Variants in RBM47 observed in about 807,000 individuals in gnomAD.
RBM47 encodes RNA-binding protein 47.
A neutral mutation model predicts 47.1 loss-of-function variants in RBM47; 21 were observed. The observed-to-expected ratio is 0.45, with a 90% confidence interval of 0.32 to 0.64. The LOEUF (loss-of-function observed/expected upper bound fraction) is 0.64. Ranked by LOEUF, RBM47 falls within the 30% of genes least tolerant of loss-of-function variation. The pLI, the probability that RBM47 is intolerant of heterozygous loss-of-function variation, is 0.05. For missense variants in RBM47, 708 were observed against 870.9 expected, an observed-to-expected ratio of 0.81 and a Z score of 2.35; for synonymous variants, 375 against 361.7, an observed-to-expected ratio of 1.04 and a Z score of -0.42.
intron 1 of RBM47, among the ~76,000 whole-genome samples, chr4:40,570,127 C>T (rs1226443145): frequency 6.6e-6 from 1 of 151,988 alleles, no homozygotes; most frequent in African/African-American, 2.4e-5. Flanking sequence ...CACCAGGGAC[C>T]GGTTTCATGG....
intron 1 of RBM47, among the ~76,000 whole-genome samples, chr4:40,562,382 T>C (rs1189753541): frequency 2.0e-5 from 3 of 151,662 alleles, no homozygotes; most frequent in Non-Finnish European, 1.5e-5. Flanking sequence ...CATTCTACTG[T>C]GAAATACACT....
intron 2 of RBM47, among the ~76,000 whole-genome samples, chr4:40,533,723 C>T (rs1219902423): frequency 1.3e-5 from 2 of 152,104 alleles, no homozygotes; most frequent in East Asian, 3.8e-4. Flanking sequence ...ATAGCCTCGA[C>T]TTCCCGGGCT....
At chr4:40,470,335 C>G (rs1718666697) in intron 2 of RBM47, among the ~76,000 whole-genome samples, 1 of 152,040 alleles carries the variant, frequency 6.6e-6, no homozygotes. Flanking sequence ...GAAAGCTATA[C>G]TGACAGAACA....
chr4:40,504,290 CTTTTT>C (rs35482960), intron 2 of RBM47, among the ~76,000 whole-genome samples: 3 of 128,260 alleles, frequency 2.3e-5, no homozygotes, highest in Non-Finnish European at 3.3e-5. Context: ...TTGTTTCCTT[CTTTTT>C]TTTTTTTTTT....
At chr4:40,450,963 A>G (rs1272243923) in intron 3 of RBM47, among the ~76,000 whole-genome samples, 1 of 152,168 alleles carries the variant, frequency 6.6e-6, no homozygotes, top group East Asian at 1.9e-4. Flanking sequence ...ACTGGCACAC[A>G]TGGTAGGTAC....
chr4:40,484,590 T>C (rs567322789), intron 2 of RBM47, among the ~76,000 whole-genome samples: 15 of 152,350 alleles, frequency 9.8e-5, no homozygotes, highest in African/African-American at 3.1e-4. Context: ...TTGCAGGCTT[T>C]TGATCATGAG....
chr4:40,615,265 C>A (rs532562065), intron 1 of RBM47, among the ~76,000 whole-genome samples: 1 of 151,932 alleles, frequency 6.6e-6, no homozygotes, highest in Non-Finnish European at 1.5e-5. Flanking sequence ...ATGGTGAAAC[C>A]CTGTCTCTAC....
chr4:40,532,592 T>C (rs1294893525), intron 2 of RBM47, among the ~76,000 whole-genome samples: 1 of 151,910 alleles, frequency 6.6e-6, no homozygotes, highest in African/African-American at 2.4e-5. Flanking sequence ...ATTACAGGCG[T>C]GAGCCACCAT....
chr4:40,526,645 C>T (rs1726740710), intron 2 of RBM47, among the ~76,000 whole-genome samples: 1 of 152,084 alleles, frequency 6.6e-6, no homozygotes, highest in South Asian at 2.1e-4. Flanking sequence ...GCCATAACAG[C>T]TCACTGCAGC....
At chr4:40,462,484 C>T (rs115454669) in intron 3 of RBM47, among the ~76,000 whole-genome samples, 1,757 of 152,206 alleles carry the variant, frequency 0.012, 13 homozygotes, top group Middle Eastern at 0.031. Flanking sequence ...GCCTAAGCCA[C>T]TATCTACCCC....
chr4:40,490,957 C>A (rs1721788929), intron 2 of RBM47, among the ~76,000 whole-genome samples: 1 of 151,974 alleles, frequency 6.6e-6, no homozygotes, highest in South Asian at 2.1e-4. Context: ...CCCAGAATAG[C>A]CAAAACAAAC....
Position 40,510,683 on chromosome 4 carries a change from A to T in RBM47, c.-155+33739T>A, listed in dbSNP as rs565170560. On this transcript the variant is annotated intron_variant, in intron 2 of 6. Transcript: ENST00000295971. ...GAGTCCATGTGTGAATGCTTGCTTG[A>T]ATGGTCATCAGCCAAGTAGAAAGGA... 6.6e-5 allele frequency among the ~76,000 whole-genome samples: 10 copies of T among 152,290 alleles called. No individual in the cohort carries two copies. The East Asian group carries it at 1.7e-3, about 26-fold the overall frequency.
At chr4:40,447,602 G>A (rs969169193) in intron 3 of RBM47, among the ~76,000 whole-genome samples, 2 of 152,312 alleles carry the variant, frequency 1.3e-5, no homozygotes, top group South Asian at 2.1e-4. Flanking sequence ...CTACCGGTCC[G>A]CTGCACTGGC....
At chr4:40,568,569 C>CA (rs57434586) in intron 1 of RBM47, among the ~76,000 whole-genome samples, 8,859 of 148,108 alleles carry the variant, frequency 0.06, 556 homozygotes, top group African/African-American at 0.14. Flanking sequence ...AGCAAACGAA[C>CA]AAAAAAATAG....
intron 3 of RBM47, among the ~76,000 whole-genome samples, chr4:40,458,749 T>C (rs1294396355): frequency 6.6e-6 from 1 of 151,340 alleles, no homozygotes; most frequent in African/African-American, 2.5e-5. Context: ...GCTCTGGTGA[T>C]AATTGTTTTT....
intron 1 of RBM47, among the ~76,000 whole-genome samples, chr4:40,577,637 C>T (rs1732469878): frequency 9.6e-6 from 1 of 103,642 alleles, no homozygotes; most frequent in Admixed American, 1.1e-4. Flanking sequence ...CTTATGGTAT[C>T]TCATACTTAA....
chr4:40,511,159 C>G (rs564880246), intron 2 of RBM47, among the ~76,000 whole-genome samples: 2 of 152,284 alleles, frequency 1.3e-5, no homozygotes, highest in Non-Finnish European at 2.9e-5. Context: ...GTTCTGACTC[C>G]GAGCTCCTAC....
At chr4:40,601,524 C>G (rs1422464580) in intron 1 of RBM47, among the ~76,000 whole-genome samples, 4 of 152,168 alleles carry the variant, frequency 2.6e-5, no homozygotes, top group Non-Finnish European at 5.9e-5. Flanking sequence ...TCAATCAAGT[C>G]AATGGCATTC....
chr4:40,440,453 T>A (rs1452237626), intron 3 of RBM47, among the ~76,000 whole-genome samples: 8 of 152,202 alleles, frequency 5.3e-5, no homozygotes, highest in Non-Finnish European at 8.8e-5. Flanking sequence ...ATTCATTTTT[T>A]AAAATTTAGG....
Sources: gnomAD v4.1 joint callset for allele counts (sites outside exome capture counted in the v4.1 genomes callset) on GRCh38, gnomAD v4.1.1 for gene constraint, MANE v1.5 for transcripts, NCBI Gene and HGNC (gene_info 2026-07-23, HGNC 2026-07-21) for gene names.